The following ITGB8 variants were observed in gnomAD, a reference collection of about 807,000 sequenced individuals.
The protein encoded by ITGB8 is integrin beta-8.
In ITGB8, 30 loss-of-function variants were observed where a neutral mutation model predicts 89.5. That is an observed-to-expected ratio of 0.34 (90% confidence interval 0.25 to 0.45). The LOEUF is 0.45. Ranked by LOEUF, ITGB8 falls within the 20% of genes least tolerant of loss-of-function variation. The probability of loss-of-function intolerance (pLI) is 1.00; values close to 1 mark genes in which losing one functional copy is unlikely to be tolerated. For synonymous variants in ITGB8, 335 were observed against 320.4 expected (o/e 1.05, Z -0.49); for missense variants, 836 against 933.3 (o/e 0.90, Z 1.36).
intron 7 of ITGB8, among the ~76,000 whole-genome samples, chr7:20,392,055 G>A (rs1786882560): frequency 1.3e-5 from 2 of 152,106 alleles, no homozygotes; most frequent in Non-Finnish European, 1.5e-5. Flanking sequence ...TGGGCCAGGT[G>A]AGACCCTCAA....
intron 3 of ITGB8, among the ~76,000 whole-genome samples, chr7:20,376,501 A>G (rs1020961319): frequency 6.6e-6 from 1 of 152,146 alleles, no homozygotes; most frequent in East Asian, 1.9e-4. Flanking sequence ...AGGTATTTCT[A>G]TGTCCTCTTA....
At chr7:20,378,605 CT>C (rs1285285636) in intron 3 of ITGB8, among the ~76,000 whole-genome samples, 1 of 151,998 alleles carries the variant, frequency 6.6e-6, no homozygotes, top group Non-Finnish European at 1.5e-5. Flanking sequence ...AGGAGATCAC[CT>C]TTTTTTAAAG....
At position 20,331,622 on chromosome 7, in the gene ITGB8, A is replaced by T; in HGVS notation, c.-185A>T. ...CCGGGAGGGCCGCAGGGGCCCTGAG[A>T]TGCCGAGCGGTGCCCGGGCCCGCTT... On this transcript the variant is annotated 5_prime_UTR_variant, in exon 1 of 14. It removes an upstream start codon present in the reference 5' UTR. Transcript: ENST00000222573. 1 of 602,090 alleles carries T rather than the reference A, an allele frequency of 1.7e-6. No homozygotes were observed. Among genetic ancestry groups the T allele is most frequent in the Non-Finnish European group, 2.6e-6 (1 of 387,646 alleles). 37.3% of individuals were successfully genotyped at this position (602,090 alleles called of 1,614,324 possible).
In ITGB8 at chr7:20,411,607, C is replaced by G. The variant is rs529846310; in HGVS notation, c.*1610C>G. 1 of 152,742 alleles carries G rather than the reference C, an allele frequency of 6.5e-6. No individual in the cohort carries two copies. Among genetic ancestry groups the G allele is most frequent in the Admixed American group, 6.5e-5 (1 of 15,308 alleles). 9.5% of individuals were successfully genotyped at this position (152,742 alleles called of 1,614,324 possible). A position where few individuals can be genotyped will look rare whatever the true frequency, so the allele number is the denominator to read the frequency against. Reference sequence around the variant, plus strand: ...TGTTCATTGCACAATATCATGCTACCTCTTGAATCTTTAAAATATTCAATT... The same window carrying G: ...TGTTCATTGCACAATATCATGCTACGTCTTGAATCTTTAAAATATTCAATT... On this transcript the variant is annotated 3_prime_UTR_variant, in exon 14 of 14. Coordinates refer to ENST00000222573, the MANE Select transcript of ITGB8 (RefSeq NM_002214.3).
Position 20,398,984 on chromosome 7 carries a change from G to A in ITGB8, c.1271G>A (p.Ser424Asn). Residue 424 changes from serine to asparagine, a missense_variant, in exon 9 of 14, where the codon AGC becomes AAC. Physicochemically the swap from Ser to Asn is conservative, Grantham distance 46 (BLOSUM62 1). Around this residue, in one of 5 missense-constraint regions of ITGB8, gnomAD observed 422 missense variants for 416.9 expected, o/e 1.01. Transcript: ENST00000222573. ...PGMEGCRNVT[S>N]NDEVLFNVTV... ...ATGGAAGGATGCAGAAACGTGACGA[G>A]CAATGATGAAGTATGTGGGTGTGCA... 2 of 1,613,312 alleles carry A rather than the reference G, an allele frequency of 1.2e-6. No homozygotes were observed. Among genetic ancestry groups the A allele is most frequent in the Non-Finnish European group, 1.7e-6 (2 of 1,179,712 alleles).
intron 1 of ITGB8, among the ~76,000 whole-genome samples, chr7:20,354,902 A>G (rs115816722): frequency 1.0e-3 from 159 of 152,322 alleles, no homozygotes; most frequent in African/African-American, 3.6e-3. Context: ...GGATTCCGTT[A>G]GTTAAGAACA....
rs1787763960 is a variant in ITGB8 at position 20,411,581 on chromosome 7, G to A, written c.*1584G>A. On this transcript the variant is annotated 3_prime_UTR_variant, in exon 14 of 14. Coordinates refer to ENST00000222573, the MANE Select transcript of ITGB8 (RefSeq NM_002214.3). ...TTTTTATCTTCTCATTGTCAGGCCA[G>A]TGTTCATTGCACAATATCATGCTAC... 1.3e-5 allele frequency: 2 copies of A among 152,662 alleles called. No individual in the cohort carries two copies. Among genetic ancestry groups the A allele is most frequent in the African/African-American group, 2.4e-5 (1 of 41,452 alleles). 9.5% of individuals were successfully genotyped at this position (152,662 alleles called of 1,614,324 possible). A position where few individuals can be genotyped will look rare whatever the true frequency, so the allele number is the denominator to read the frequency against.
rs34759507 is a variant in ITGB8, at chr7:20,379,526, C to CAAA, written c.635+235_635+237dup. The CAAA allele has an allele frequency of 7.5e-3, 1,345 of 178,720 alleles. 32 individuals carry two copies. The East Asian group carries it at 0.089, about 12-fold the overall frequency. 11.1% of individuals were successfully genotyped at this position (178,720 alleles called of 1,614,324 possible). On this transcript the variant is annotated intron_variant, in intron 4 of 13. Coordinates refer to ENST00000222573, the MANE Select transcript of ITGB8 (RefSeq NM_002214.3). ...TAAATATTTAGTCAGTTTTTATCAC[C>CAAA]AAAAAAAACAAAAAAACAAACAAAA...
intron 6 of ITGB8, among the ~76,000 whole-genome samples, chr7:20,387,960 A>G (rs893718780): frequency 6.6e-6 from 1 of 152,202 alleles, no homozygotes; most frequent in Non-Finnish European, 1.5e-5. Flanking sequence ...TTTGGTTTTT[A>G]TATCTTATTA....
chr7:20,391,931 A>T (rs1047174286), intron 7 of ITGB8, among the ~76,000 whole-genome samples: 1 of 152,218 alleles, frequency 6.6e-6, no homozygotes, highest in Non-Finnish European at 1.5e-5. Context: ...TAGCACTGAC[A>T]CACCTAGCTT....
chr7:20,386,235 A>G (rs1039587552), intron 6 of ITGB8, among the ~76,000 whole-genome samples: 2 of 115,846 alleles, frequency 1.7e-5, no homozygotes, highest in African/African-American at 7.1e-5. Context: ...TGTAAACACT[A>G]TGAGAACATT....
intron 1 of ITGB8, among the ~76,000 whole-genome samples, chr7:20,350,301 C>T (rs1238060372): frequency 3.3e-5 from 5 of 152,134 alleles, no homozygotes; most frequent in African/African-American, 4.8e-5. Context: ...GTGCCCGCCA[C>T]CATGTCCGGC....
In ITGB8 at chr7:20,401,893, C is replaced by T; in HGVS notation, c.1454C>T (p.Thr485Ile). 6.2e-7 allele frequency: 1 copy of T among 1,613,550 alleles called. No individual in the cohort carries two copies. ...CCTAAAGGAAAGTGTGTAGATGAAA[C>T]TTTTCTAGATTCCAAGTGTTTCCAG... ...RGPKGKCVDETFLDSKCFQCD... is the reference protein window; with the variant it reads ...RGPKGKCVDEIFLDSKCFQCD... The change falls in exon 10 of 14, where the codon ACT becomes ATT. Residue 485 changes from threonine to isoleucine, a missense_variant. This residue lies in a region of ITGB8 where 422 missense variants were observed against 416.9 expected (regional missense o/e 1.01). Transcript: ENST00000222573.
rs1222114196 is a variant in ITGB8, at chr7:20,413,346, A to T, written c.*3349A>T. On this transcript the variant is annotated 3_prime_UTR_variant, in exon 14 of 14. Coordinates refer to ENST00000222573, the MANE Select transcript of ITGB8 (RefSeq NM_002214.3). ...ATGAGATGCAATCCTTCAAAGAATG[A>T]ATCTGAAATATATTTTTAATATTTA... 1 of 152,580 alleles carries T rather than the reference A, an allele frequency of 6.6e-6. No individual in the cohort carries two copies. Among genetic ancestry groups the T allele is most frequent in the African/African-American group, 2.4e-5 (1 of 41,468 alleles). 9.5% of individuals were successfully genotyped at this position (152,580 alleles called of 1,614,324 possible).
intron 1 of ITGB8, among the ~76,000 whole-genome samples, chr7:20,337,387 A>C (rs965531332): frequency 6.6e-6 from 1 of 152,236 alleles, no homozygotes; most frequent in African/African-American, 2.4e-5. Flanking sequence ...CTATTCATTC[A>C]GACTTTCTTA....
chr7:20,365,815 C>G (rs1785672503), intron 2 of ITGB8: 1 of 151,892 alleles, frequency 6.6e-6, no homozygotes, highest in South Asian at 2.1e-4. Flanking sequence ...ATCCCTCACC[C>G]TTTAGGTGCG....
intron 7 of ITGB8, among the ~76,000 whole-genome samples, chr7:20,394,302 C>CT (rs1353945689): frequency 6.6e-6 from 1 of 152,114 alleles, no homozygotes; most frequent in East Asian, 1.9e-4. Flanking sequence ...CCTTTAAAGC[C>CT]TTTGCTCATT....
chr7:20,380,865 G>C, intron 5 of ITGB8, 34 bp downstream of exon 5: 1 of 1,552,426 alleles, frequency 6.4e-7, no homozygotes, highest in Non-Finnish European at 8.8e-7. Flanking sequence ...TGTTTGCTAA[G>C]ATGCCAAACT....
intron 6 of ITGB8, among the ~76,000 whole-genome samples, chr7:20,386,384 G>A (rs1002172107): frequency 1.3e-4 from 20 of 148,468 alleles, no homozygotes; most frequent in African/African-American, 3.5e-4. Flanking sequence ...GACTACAGGC[G>A]CGTGCCACCA....
Sources: gnomAD v4.1 joint callset for allele counts (sites outside exome capture counted in the v4.1 genomes callset) on GRCh38, gnomAD v4.1.1 for gene constraint, gnomAD v4.1.1 regional missense constraint, MANE v1.5 for transcripts, NCBI Gene and HGNC (gene_info 2026-07-23, HGNC 2026-07-21) for gene names.